The following NCAPG2 variants were observed in gnomAD, a reference collection of about 807,000 sequenced individuals.
NCAPG2 encodes the protein non-SMC condensin II complex subunit G2.
A neutral mutation model predicts 141.1 loss-of-function variants in NCAPG2; 53 were observed. The ratio of observed to expected loss-of-function variants is 0.38; its 90% CI spans 0.30 to 0.47. The LOEUF (loss-of-function observed/expected upper bound fraction) is 0.47, where lower values mean the gene tolerates loss of function less well. Ranked by LOEUF, NCAPG2 falls within the 20% of genes least tolerant of loss-of-function variation. The pLI is 0.99. For missense variants in NCAPG2, 1,087 were observed against 1,389.0 expected (o/e 0.78, Z 3.46); for synonymous variants, 499 against 490.7 (o/e 1.02, Z -0.22).
chr7:158,660,734 C>T (rs1324990188), intron 16 of NCAPG2, among the ~76,000 whole-genome samples: 2 of 152,172 alleles, frequency 1.3e-5, no homozygotes, highest in Non-Finnish European at 2.9e-5. Context: ...TTACCATTTA[C>T]TGGTAAATTA....
chr7:158,677,710 G>A (rs994012834), intron 11 of NCAPG2, among the ~76,000 whole-genome samples: 10 of 152,072 alleles, frequency 6.6e-5, no homozygotes, highest in Non-Finnish European at 1.2e-4. Context: ...TCAGTGTCCA[G>A]ACCTGTTTGC....
chr7:158,634,726 C>T (rs1662048738), intron 27 of NCAPG2, among the ~76,000 whole-genome samples: 1 of 152,054 alleles, frequency 6.6e-6, no homozygotes, highest in African/African-American at 2.4e-5. Flanking sequence ...TAAACCCAGG[C>T]CATTTTTCTC....
rs374925356 is a variant in NCAPG2 at position 158,667,420 on chromosome 7, T to C, written c.1480-2670A>G. ...TCCCTCCGCCCTCCTTACCCACTACTGGGTCCCTCCGCCCTCCTTACCCAC... is the reference window on the plus strand; with the variant it reads ...TCCCTCCGCCCTCCTTACCCACTACCGGGTCCCTCCGCCCTCCTTACCCAC... On this transcript the variant is annotated intron_variant, in intron 13 of 27. Transcript: ENST00000356309. 1.3e-3 allele frequency among the ~76,000 whole-genome samples: 132 copies of C among 103,872 alleles called. 8 individuals are homozygous for C. The highest frequency in any genetic ancestry group is 4.2e-3 in the African/African-American group (95 of 22,862). 68.1% of individuals were successfully genotyped at this position (103,872 alleles called of 152,430 possible). A position where few individuals can be genotyped will look rare whatever the true frequency, so the allele number is the denominator to read the frequency against.
chr7:158,659,781 C>T (rs1832332116), intron 16 of NCAPG2, among the ~76,000 whole-genome samples: 1 of 152,088 alleles, frequency 6.6e-6, no homozygotes, highest in South Asian at 2.1e-4. Context: ...TTCACAGTGA[C>T]CCATCCTTAC....
At position 158,683,289 on chromosome 7, in the gene NCAPG2, C is replaced by T; in HGVS notation, c.924+11G>A. 1.3e-6 allele frequency: 2 copies of T among 1,547,890 alleles called. No homozygotes were observed. Among genetic ancestry groups the T allele is most frequent in the Admixed American group, 4.1e-5 (2 of 48,690 alleles). On this transcript the variant is annotated intron_variant, in intron 9 of 27. Transcript: ENST00000356309. ...AACATTATTTCAAAAACAATCTGTTCACAATCTTACCTCCCGCACTTTGGA... is the reference window on the plus strand; with the variant it reads ...AACATTATTTCAAAAACAATCTGTTTACAATCTTACCTCCCGCACTTTGGA...
intron 13 of NCAPG2, chr7:158,668,526 A>T: frequency 1.3e-6 from 1 of 755,890 alleles, no homozygotes; most frequent in Non-Finnish European, 1.6e-6. Flanking sequence ...GATGTCTGGA[A>T]TTTATTTCAA....
intron 17 of NCAPG2, among the ~76,000 whole-genome samples, chr7:158,657,531 G>C (rs1206974444): frequency 6.6e-6 from 1 of 152,186 alleles, no homozygotes; most frequent in South Asian, 2.1e-4. Context: ...AGGGAGGTGG[G>C]GGGGTCAGCC....
Position 158,656,365 on chromosome 7 carries a change from C to G in NCAPG2, c.2283G>C (p.Leu761Phe), listed in dbSNP as rs773807400. 3 of 1,614,136 alleles carry G rather than the reference C, an allele frequency of 1.9e-6. No individual in the cohort carries two copies. Among genetic ancestry groups the G allele is most frequent in the Non-Finnish European group, 2.5e-6 (3 of 1,180,020 alleles). ...GAGTCAGCAGATACTCAATGTAGAC[C>G]AATGCCAATTCAGGTTTGACTGGGC... ...DTRPVKPELA[L>F]VYIEYLLTHP... Residue 761 changes from leucine (L) to phenylalanine (F), a missense_variant, in exon 19 of 28, where the codon TTG (leucine) becomes TTC (phenylalanine). By Grantham distance (22) the Leu-to-Phe change is conservative. Coordinates refer to ENST00000356309, the MANE Select transcript of NCAPG2 (RefSeq NM_017760.7).
intron 12 of NCAPG2, among the ~76,000 whole-genome samples, chr7:158,673,015 C>G (rs923171440): frequency 6.6e-6 from 1 of 152,186 alleles, no homozygotes; most frequent in Non-Finnish European, 1.5e-5. Flanking sequence ...TCCTCAGAAG[C>G]ATGAAAGCAC....
chr7:158,681,139 A>C (rs1563562008), intron 9 of NCAPG2, among the ~76,000 whole-genome samples: 1 of 152,180 alleles, frequency 6.6e-6, no homozygotes, highest in Non-Finnish European at 1.5e-5. Context: ...TAAACCTCTG[A>C]CCTTCAGGAT....
intron 4 of NCAPG2, among the ~76,000 whole-genome samples, chr7:158,691,607 A>T (rs1363099354): frequency 6.6e-6 from 1 of 152,254 alleles, no homozygotes; most frequent in Non-Finnish European, 1.5e-5. Flanking sequence ...AAGTTTTCTT[A>T]AAAATCATTA....
intron 13 of NCAPG2, among the ~76,000 whole-genome samples, chr7:158,669,556 A>G (rs1833535483): frequency 6.6e-6 from 1 of 151,934 alleles, no homozygotes; most frequent in South Asian, 2.1e-4. Context: ...TGAGGTCAGG[A>G]GTTCGAGACC....
rs116586650 is a variant in NCAPG2, at chr7:158,673,448, G to A, written c.1327-1782C>T. Among the ~76,000 whole-genome samples, 1,303 of 152,250 alleles carry A rather than the reference G, an allele frequency of 8.6e-3. 18 individuals carry two copies. Among genetic ancestry groups the A allele is most frequent in the African/African-American group, 0.029 (1,220 of 41,536 alleles). On this transcript the variant is annotated intron_variant, in intron 12 of 27. Coordinates refer to ENST00000356309, the MANE Select transcript of NCAPG2 (RefSeq NM_017760.7). ...CTGAAGAAAATGCCTTCTTCTTCCC[G>A]GGCAGCCAGTGTGCAATAGTGAATC...
intron 13 of NCAPG2, chr7:158,667,115 G>A: frequency 1.0e-6 from 1 of 982,000 alleles, no homozygotes; most frequent in Non-Finnish European, 1.2e-6. Context: ...AGGGAAATTA[G>A]CTTGCATGCT....
At chr7:158,666,460 T>G (rs547662850) in intron 13 of NCAPG2, among the ~76,000 whole-genome samples, 1 of 152,124 alleles carries the variant, frequency 6.6e-6, no homozygotes, top group East Asian at 1.9e-4. Context: ...ACTGTATTTT[T>G]GAAACCACCC....
At chr7:158,673,204 T>A (rs1339151384) in intron 12 of NCAPG2, among the ~76,000 whole-genome samples, 1 of 152,128 alleles carries the variant, frequency 6.6e-6, no homozygotes, top group African/African-American at 2.4e-5. Context: ...GCAGATGGCA[T>A]CATCACTTCA....
chr7:158,655,873 G>A (rs1360185797), intron 19 of NCAPG2, among the ~76,000 whole-genome samples: 1 of 152,228 alleles, frequency 6.6e-6, no homozygotes, highest in Non-Finnish European at 1.5e-5. Context: ...CTGGGAGCAT[G>A]ATGGGTTCCC....
intron 2 of NCAPG2, among the ~76,000 whole-genome samples, chr7:158,701,045 G>A (rs940951220): frequency 6.6e-6 from 1 of 152,156 alleles, no homozygotes; most frequent in African/African-American, 2.4e-5. Context: ...CCCACCACCA[G>A]TCATCTGGTA....
At chr7:158,664,394 T>A in intron 14 of NCAPG2, 98 bp from the exon 15 acceptor site, 1 of 1,501,416 alleles carries the variant, frequency 6.7e-7, no homozygotes, top group Non-Finnish European at 9.2e-7. Flanking sequence ...TCAAAAGTAC[T>A]ATTTTAAGGG....
Sources: gnomAD v4.1 joint callset for allele counts (sites outside exome capture counted in the v4.1 genomes callset) on GRCh38, gnomAD v4.1.1 for gene constraint, MANE v1.5 for transcripts, NCBI Gene and HGNC (gene_info 2026-07-23, HGNC 2026-07-21) for gene names.